Variants in MAP4 observed in about 807,000 individuals in gnomAD.
MAP4 encodes the protein microtubule-associated protein 4.
Under a neutral mutation model 170.2 loss-of-function variants are expected in MAP4, and 76 were observed. The ratio of observed to expected loss-of-function variants is 0.45; its 90% CI spans 0.37 to 0.54. The LOEUF (loss-of-function observed/expected upper bound fraction) is 0.54. Ranked by LOEUF, MAP4 falls within the 20% of genes least tolerant of loss-of-function variation. The pLI is 0.00. For synonymous variants in MAP4, 909 were observed against 994.5 expected, an observed-to-expected ratio of 0.91 and a Z score of 1.62; for missense variants, 2,506 against 2,748.0, an observed-to-expected ratio of 0.91 and a Z score of 1.97.
chr3:47,978,959 G>A (rs1192320480), intron 2 of MAP4, among the ~76,000 whole-genome samples: 1 of 151,664 alleles, frequency 6.6e-6, no homozygotes, highest in Non-Finnish European at 1.5e-5. Context: ...TCCTTTATCA[G>A]ATAAATTTTG....
At chr3:48,040,888 C>A (rs1014441853) in intron 1 of MAP4, among the ~76,000 whole-genome samples, 1 of 151,830 alleles carries the variant, frequency 6.6e-6, no homozygotes, top group African/African-American at 2.4e-5. Context: ...TTGATAGAGA[C>A]GGGGTTTTGC....
rs767242931 is a variant in MAP4, at chr3:47,867,296, A to G, written c.6451T>C (p.Ser2151Pro). 3 of 1,613,860 alleles carry G rather than the reference A, an allele frequency of 1.9e-6. No individual in the cohort carries two copies. Among genetic ancestry groups the G allele is most frequent in the Non-Finnish European group, 2.5e-6 (3 of 1,179,800 alleles). Reference sequence around the variant, plus strand: ...ATATTGTCCTTGGAACCACACTTGGACTGAATATGGCTGTAGCTCACTTTT... The same window carrying G: ...ATATTGTCCTTGGAACCACACTTGGGCTGAATATGGCTGTAGCTCACTTTT... ...SKKVSYSHIQ[S>P]KCGSKDNIKH... The change falls in exon 17 of 21, where the codon TCC becomes CCC. Residue 2151 changes from serine (S) to proline (P), a missense_variant. By Grantham distance (74) the Ser-to-Pro change is moderately conservative. This residue lies in a region of MAP4 where 487 missense variants were observed against 511.6 expected (regional missense o/e 0.95). Transcript: ENST00000683076.
chr3:48,018,036 G>A (rs1187951928), upstream of MAP4, among the ~76,000 whole-genome samples: 5 of 152,154 alleles, frequency 3.3e-5, no homozygotes, highest in East Asian at 1.9e-4. Flanking sequence ...TAGGGTTTGC[G>A]CTCCTATGAT....
In MAP4 at chr3:47,911,555, C is replaced by A; in HGVS notation, c.2866G>T (p.Val956Phe). 1 of 1,536,024 alleles carries A rather than the reference C, an allele frequency of 6.5e-7. No homozygotes were observed. Among genetic ancestry groups the A allele is most frequent in the Non-Finnish European group, 8.7e-7 (1 of 1,146,888 alleles). Reference sequence around the variant, plus strand: ...GTGGGTTTTGAAACTACACCCATAACCTCTTGGTCCAAGAAAGGAGAGCAA... The same window carrying A: ...GTGGGTTTTGAAACTACACCCATAAACTCTTGGTCCAAGAAAGGAGAGCAA... ...EGCSPFLDQE[V>F]MGVVSKPTAA... The change falls in exon 9 of 21, where the codon GTT (valine) becomes TTT (phenylalanine). Residue 956 changes from valine to phenylalanine, a missense_variant. Around this residue, in one of 3 missense-constraint regions of MAP4, gnomAD observed 2,008 missense variants for 2,206.0 expected, o/e 0.91. Coordinates refer to ENST00000683076, the MANE Select transcript of MAP4 (RefSeq NM_001385682.1). The surrounding 1 kb of genome is among the most constrained non-coding windows in gnomAD (Gnocchi z 4.0).
At chr3:47,895,679 TC>T (rs1453228363) in intron 10 of MAP4, among the ~76,000 whole-genome samples, 1 of 152,208 alleles carries the variant, frequency 6.6e-6, no homozygotes, top group African/African-American at 2.4e-5. Flanking sequence ...CTTCACTAGT[TC>T]ATCCCTACCC....
rs1290573785 is a variant in MAP4, at chr3:47,855,122, G to A, written c.6696+126C>T. ...CACGGTGGGAAAACGGCAATGGTGT[G>A]GGTGAAGACATGACTCCTGAAGAGA... On this transcript the variant is annotated intron_variant, in intron 19 of 20. Coordinates refer to ENST00000683076, the MANE Select transcript of MAP4 (RefSeq NM_001385682.1). This position sits in a 1 kb window ranked among gnomAD's most constrained non-coding sequence, Gnocchi z 5.1. 2.1e-5 allele frequency: 14 copies of A among 670,964 alleles called. No homozygotes were observed. Among genetic ancestry groups the A allele is most frequent in the Non-Finnish European group, 3.8e-5 (14 of 368,226 alleles). The allele number at this position is 670,964 out of a possible 1,614,324, so 41.6% of individuals were successfully genotyped here.
chr3:48,056,986 G>C (rs1368027243), intron 1 of MAP4, among the ~76,000 whole-genome samples: 1 of 129,224 alleles, frequency 7.7e-6, no homozygotes, highest in Admixed American at 7.3e-5. Flanking sequence ...AGGGAGGTGG[G>C]GGGGGTCAGC....
chr3:47,909,451 T>C lies in MAP4; in HGVS notation c.4970A>G (p.Asp1657Gly), dbSNP rs776052067. ...ACTTTTTGGAGACAAAAGAGTCAGATCTACCTTCTTATTCAAACTATCTGA... is the reference window on the plus strand; with the variant it reads ...ACTTTTTGGAGACAAAAGAGTCAGACCTACCTTCTTATTCAAACTATCTGA... The part of the protein sequence containing the change: ...KGSDSLNKKV[D>G]LTLLSPKSEN... Residue 1657 changes from aspartate (D) to glycine (G), a missense_variant, in exon 9 of 21, where the codon GAT (aspartate) becomes GGT (glycine). This residue lies in a region of MAP4 where 2,008 missense variants were observed against 2,206.0 expected (regional missense o/e 0.91). Coordinates refer to ENST00000683076, the MANE Select transcript of MAP4 (RefSeq NM_001385682.1). 6.2e-7 allele frequency: 1 copy of C among 1,613,906 alleles called. No homozygotes were observed. The highest frequency in any genetic ancestry group is 1.1e-5 in the South Asian group (1 of 91,084).
intron 3 of MAP4, among the ~76,000 whole-genome samples, chr3:47,952,933 A>T (rs1423913414): frequency 2.0e-5 from 3 of 151,934 alleles, no homozygotes; most frequent in Non-Finnish European, 2.9e-5. Context: ...CAAAAAATAA[A>T]TAAAATACAA....
chr3:47,867,372 A>T, intron 16 of MAP4, 34 bp from the exon 17 acceptor site: 1 of 1,423,228 alleles, frequency 7.0e-7, no homozygotes, highest in Non-Finnish European at 9.9e-7. Context: ...AACAACACAA[A>T]GGGAGAGGAC....
intron 1 of MAP4, among the ~76,000 whole-genome samples, chr3:48,005,143 C>T (rs1022176855): frequency 1.1e-4 from 17 of 152,102 alleles, no homozygotes; most frequent in African/African-American, 3.1e-4. Context: ...GGGCGGATCA[C>T]GAGGTCAGGA....
At position 47,910,079 on chromosome 3, in the gene MAP4, GAGT is replaced by G; in HGVS notation, c.4339_4341del (p.Thr1447del). On this transcript the variant is annotated inframe_deletion, in exon 9 of 21. Coordinates refer to ENST00000683076, the MANE Select transcript of MAP4 (RefSeq NM_001385682.1). ...GAATCACCTTCCTTTACTACTTGAG[GAGT>G]AGGAGTGGGCAGTTTTTCACAGGCT... 1.2e-6 allele frequency: 2 copies of G among 1,613,982 alleles called. No individual in the cohort carries two copies. The highest frequency in any genetic ancestry group is 8.5e-7 in the Non-Finnish European group (1 of 1,179,890).
At chr3:48,081,032 G>A (rs2100146400) in intron 1 of MAP4, among the ~76,000 whole-genome samples, 1 of 152,210 alleles carries the variant, frequency 6.6e-6, no homozygotes, top group Non-Finnish European at 1.5e-5. Flanking sequence ...GCTGAGGCAG[G>A]AGAATGGCGT....
chr3:47,884,042 G>A (rs2097193466), intron 10 of MAP4, among the ~76,000 whole-genome samples: 1 of 152,072 alleles, frequency 6.6e-6, no homozygotes, highest in Non-Finnish European at 1.5e-5. Flanking sequence ...TGTCAAATTT[G>A]GGATGTTTGT....
intron 1 of MAP4, among the ~76,000 whole-genome samples, chr3:48,052,345 C>T (rs2100128368): frequency 1.3e-5 from 2 of 152,248 alleles, no homozygotes; most frequent in East Asian, 1.9e-4. Flanking sequence ...CTCAGCCTCC[C>T]GAGTAGCTGG....
intron 3 of MAP4, among the ~76,000 whole-genome samples, chr3:47,938,453 G>A (rs940548660): frequency 6.6e-6 from 1 of 152,128 alleles, no homozygotes. Flanking sequence ...AGCTCACTGC[G>A]GCCTCAACTT....
At chr3:48,081,216 G>A (rs1458346572) in intron 1 of MAP4, among the ~76,000 whole-genome samples, 5 of 152,046 alleles carry the variant, frequency 3.3e-5, no homozygotes, top group Non-Finnish European at 7.4e-5. Context: ...TGTGAACCCC[G>A]GAGGCGCAGC....
intron 3 of MAP4, among the ~76,000 whole-genome samples, chr3:47,946,579 A>G (rs531401646): frequency 1.0e-4 from 14 of 139,902 alleles, no homozygotes; most frequent in Non-Finnish European, 1.5e-4. Context: ...GCTTGAACCC[A>G]GGAGGCAGAG....
At chr3:47,951,755 C>T (rs2100064093) in intron 3 of MAP4, among the ~76,000 whole-genome samples, 2 of 152,212 alleles carry the variant, frequency 1.3e-5, no homozygotes, top group Admixed American at 1.3e-4. Context: ...AGATTGCAGC[C>T]TCTGCCCGGC....
Sources: gnomAD v4.1 joint callset for allele counts (sites outside exome capture counted in the v4.1 genomes callset) on GRCh38, gnomAD v4.1.1 for gene constraint, gnomAD v4.1.1 regional missense constraint, Gnocchi (gnomAD v3.1) non-coding constraint, MANE v1.5 for transcripts, NCBI Gene and HGNC (gene_info 2026-07-23, HGNC 2026-07-21) for gene names.